The following CSMD3 variants were observed in gnomAD, a reference collection of about 807,000 sequenced individuals.
CSMD3 encodes CUB and sushi domain-containing protein 3.
CSMD3 carries 177 observed loss-of-function variants against 435.2 expected under a neutral mutation model. The observed-to-expected ratio is 0.41, with a 90% CI of 0.36 to 0.46. The LOEUF (loss-of-function observed/expected upper bound fraction) is 0.46. CSMD3 is among the 20% of genes least tolerant of loss of function. The pLI, the probability that CSMD3 is intolerant of heterozygous loss-of-function variation, is 0.34. For missense variants in CSMD3, 4,265 were observed against 4,504.6 expected (o/e 0.95, Z 1.52); for synonymous variants, 1,656 against 1,520.5 (o/e 1.09, Z -2.07).
At chr8:113,416,952 T>G (rs981924933) in intron 1 of CSMD3, among the ~76,000 whole-genome samples, 1 of 152,066 alleles carries the variant, frequency 6.6e-6, no homozygotes, top group African/African-American at 2.4e-5. Context: ...AGGAAGGGAA[T>G]GATTGTTTTA....
intron 13 of CSMD3, among the ~76,000 whole-genome samples, chr8:112,694,441 A>G (rs1049108677): frequency 2.6e-5 from 4 of 152,118 alleles, no homozygotes; most frequent in Non-Finnish European, 4.4e-5. Context: ...TCATTATTAT[A>G]TTTTTAAATA....
At chr8:113,226,616 G>A (rs2093031840) in intron 3 of CSMD3, among the ~76,000 whole-genome samples, 1 of 151,514 alleles carries the variant, frequency 6.6e-6, no homozygotes, top group South Asian at 2.1e-4. Flanking sequence ...TGCACTACTG[G>A]TTGTTAGAAA....
intron 4 of CSMD3, among the ~76,000 whole-genome samples, chr8:113,121,198 A>T (rs1395424004): frequency 6.6e-6 from 1 of 152,094 alleles, no homozygotes; most frequent in African/African-American, 2.4e-5. Context: ...CTCAATCCCC[A>T]AAGGAAACCT....
intron 36 of CSMD3, among the ~76,000 whole-genome samples, chr8:112,384,358 G>A (rs879500716): frequency 1.3e-5 from 2 of 152,138 alleles, no homozygotes; most frequent in Non-Finnish European, 2.9e-5. Context: ...GGAAAATACT[G>A]GGGAGGTTTA....
intron 11 of CSMD3, among the ~76,000 whole-genome samples, chr8:112,830,613 C>T (rs937742904): frequency 6.6e-6 from 1 of 151,742 alleles, no homozygotes; most frequent in Non-Finnish European, 1.5e-5. Flanking sequence ...TAATTTATAA[C>T]AAAATATTAT....
At chr8:113,224,162 C>T (rs2093000679) in intron 3 of CSMD3, among the ~76,000 whole-genome samples, 1 of 151,156 alleles carries the variant, frequency 6.6e-6, no homozygotes, top group South Asian at 2.1e-4. Context: ...AGTATATTTT[C>T]TTTGTATTCT....
chr8:112,671,924 T>A (rs1363113173), intron 16 of CSMD3, among the ~76,000 whole-genome samples: 1 of 152,098 alleles, frequency 6.6e-6, no homozygotes. Context: ...CTACTATTAT[T>A]CATTTTTTAA....
intron 3 of CSMD3, among the ~76,000 whole-genome samples, chr8:113,268,866 T>A (rs575831183): frequency 6.6e-6 from 1 of 152,146 alleles, no homozygotes; most frequent in South Asian, 2.1e-4. Context: ...TTGGATATAA[T>A]TTGATCCAAT....
intron 12 of CSMD3, among the ~76,000 whole-genome samples, chr8:112,821,656 A>C (rs1169182796): frequency 1.3e-5 from 2 of 152,136 alleles, no homozygotes; most frequent in Non-Finnish European, 2.9e-5. Context: ...TAGTTAATTT[A>C]GATCCCATTT....
intron 5 of CSMD3, among the ~76,000 whole-genome samples, chr8:113,033,072 T>C (rs182233124): frequency 2.0e-5 from 3 of 151,540 alleles, no homozygotes; most frequent in Non-Finnish European, 4.4e-5. Flanking sequence ...AGAGGATGTA[T>C]AGAAACACCT....
chr8:112,531,091 G>C (rs1326962967), intron 27 of CSMD3, among the ~76,000 whole-genome samples: 7 of 152,192 alleles, frequency 4.6e-5, no homozygotes, highest in Non-Finnish European at 7.4e-5. Context: ...GCACAGTGCA[G>C]AGACAAACAG....
intron 39 of CSMD3, 83 bp downstream of exon 39, chr8:112,352,333 A>G (rs951681644): frequency 1.9e-6 from 3 of 1,598,420 alleles, no homozygotes; most frequent in Non-Finnish European, 2.6e-6. Flanking sequence ...ATGTTGTAAA[A>G]CCCGTGGCTT....
chr8:112,478,451 A>C (rs1202956365), intron 31 of CSMD3, among the ~76,000 whole-genome samples: 1 of 152,198 alleles, frequency 6.6e-6, no homozygotes, highest in Non-Finnish European at 1.5e-5. Flanking sequence ...GAAATGAGGA[A>C]GTCATTGGGA....
intron 10 of CSMD3, among the ~76,000 whole-genome samples, chr8:112,914,737 GTTTC>G (rs2130568253): frequency 6.6e-6 from 1 of 151,272 alleles, no homozygotes; most frequent in East Asian, 2.0e-4. Context: ...CTTTCCTATT[GTTTC>G]TTTCACTTTG....
chr8:112,886,248 T>C (rs1331012886), intron 10 of CSMD3, among the ~76,000 whole-genome samples: 1 of 151,698 alleles, frequency 6.6e-6, no homozygotes, highest in African/African-American at 2.4e-5. Flanking sequence ...TGACATTGTG[T>C]CTGTACATGT....
At chr8:112,945,681 C>T (rs570823380) in intron 9 of CSMD3, among the ~76,000 whole-genome samples, 2 of 149,228 alleles carry the variant, frequency 1.3e-5, no homozygotes, top group African/African-American at 4.9e-5. Context: ...GTATTTAAAA[C>T]AAAACATATC....
chr8:112,665,668 T>C (rs1186403228), intron 17 of CSMD3, among the ~76,000 whole-genome samples: 2 of 152,188 alleles, frequency 1.3e-5, no homozygotes, highest in Admixed American at 1.3e-4. Flanking sequence ...GATAAATCTA[T>C]TTTGATTTGT....
At position 113,434,557 on chromosome 8, in the gene CSMD3, TA is replaced by T. The variant is rs569263459; in HGVS notation, c.178+2119del. Among the ~76,000 whole-genome samples, 8 of 152,240 alleles carry T rather than the reference TA, an allele frequency of 5.3e-5. No homozygotes were observed. In the East Asian group the frequency reaches 1.4e-3, roughly 26 times the overall value. ...AATTTGGGGACAGTATTCCAAGTCG[TA>T]AAATGTAGGAGATGCCTTCCAAGTG... On this transcript the variant is annotated intron_variant, in intron 1 of 70. Coordinates refer to ENST00000297405, the MANE Select transcript of CSMD3 (RefSeq NM_198123.2).
intron 6 of CSMD3, among the ~76,000 whole-genome samples, chr8:113,000,141 G>T (rs972687579): frequency 2.0e-5 from 3 of 151,938 alleles, no homozygotes; most frequent in African/African-American, 2.4e-5. Flanking sequence ...AAGAATCACG[G>T]TTAAAGAAAA....
Sources: allele counts gnomAD v4.1 joint callset (sites outside exome capture counted in the v4.1 genomes callset), GRCh38; gene constraint gnomAD v4.1.1; transcripts MANE v1.5; gene names NCBI Gene and HGNC (gene_info 2026-07-23, HGNC 2026-07-21).